H2AC4: variants seen among roughly 807,000 people sequenced by gnomAD.
The protein encoded by H2AC4 is H2A clustered histone 4.
Under a neutral mutation model 6.1 loss-of-function variants are expected in H2AC4, and 8 were observed. The ratio of observed to expected loss-of-function variants is 1.31; its 90% CI spans 0.77 to 2.36. The LOEUF is 2.36. Among genes scored for constraint, H2AC4 ranks in the 30% most tolerant of loss-of-function variants. H2AC4 has a pLI of 0.00. For missense variants in H2AC4, 260 were observed against 180.4 expected (o/e 1.44, Z -2.53); for synonymous variants, 129 against 78.4 (o/e 1.64, Z -3.41).
chr6:26,033,174 C>T lies in H2AC4; in HGVS notation c.*2G>A, dbSNP rs768986746. ...AACAGCAGTGCATGAAGCGTTAACTCTTCACTTTCCCTTGGCCTTATGATG... is the reference window on the plus strand; with the variant it reads ...AACAGCAGTGCATGAAGCGTTAACTTTTCACTTTCCCTTGGCCTTATGATG... On this transcript the variant is annotated 3_prime_UTR_variant, in exon 1 of 1. Transcript: ENST00000615868. 17 of 1,612,846 alleles carry T rather than the reference C, an allele frequency of 1.1e-5. No individual in the cohort carries two copies. Among genetic ancestry groups the T allele is most frequent in the Admixed American group, 1.7e-5 (1 of 59,600 alleles).
rs76616834 is a variant in H2AC4 at position 26,033,615 on chromosome 6, C to A, written c.-47G>T. On this transcript the variant is annotated 5_prime_UTR_variant, in exon 1 of 1. Coordinates refer to ENST00000615868, the MANE Select transcript of H2AC4 (RefSeq NM_003513.3). ...ATCGCCACAAGAAAATGTAATGAAA[C>A]TACATTAGAACGCAAGGCAGAGAAG... 1.3e-6 allele frequency: 2 copies of A among 1,592,396 alleles called. No individual in the cohort carries two copies. The highest frequency in any genetic ancestry group is 1.7e-6 in the Non-Finnish European group (2 of 1,165,498).
In H2AC4 at chr6:26,033,475, G is replaced by A. The variant is rs969322732; in HGVS notation, c.94C>T (p.His32Tyr). 5 of 1,614,076 alleles carry A rather than the reference G, an allele frequency of 3.1e-6. No homozygotes were observed. Among genetic ancestry groups the A allele is most frequent in the East Asian group, 4.5e-5 (2 of 44,894 alleles). ...TAGTTGCCTTTGCGGAGCAGGCGGT[G>A]CACTCGGCCCACAGGAAACTGCAAA... is the stretch of plus-strand genomic sequence containing the variant. ...AGLQFPVGRV[H>Y]RLLRKGNYSE... The change falls in exon 1 of 1, where the codon CAC (histidine) becomes TAC (tyrosine). Residue 32 changes from histidine (H) to tyrosine (Y), a missense_variant. Coordinates refer to ENST00000615868, the MANE Select transcript of H2AC4 (RefSeq NM_003513.3).
rs1761510865 is a variant in H2AC4 at position 26,033,548 on chromosome 6, T to TA, written c.20_21insT (p.Gln7HisfsTer4). The stretch of plus-strand genomic sequence containing the variant: ...TAGCCTTGGCGCGAGCTTTACCGCC[T>TA]TGTTTGCCGCGACCAGACATAACTA... On this transcript the variant is annotated frameshift_variant, in exon 1 of 1. Coordinates refer to ENST00000615868, the MANE Select transcript of H2AC4 (RefSeq NM_003513.3). LOFTEE classifies it high-confidence loss of function. The TA allele has an allele frequency of 6.2e-7, 1 of 1,609,510 alleles. No homozygotes were observed. The highest frequency in any genetic ancestry group is 1.7e-5 in the Admixed American group (1 of 59,408).
Position 26,033,592 on chromosome 6 carries a change from C to T in H2AC4, c.-24G>A, listed in dbSNP as rs753420547. On this transcript the variant is annotated 5_prime_UTR_variant, in exon 1 of 1. Transcript: ENST00000615868. Reference sequence around the variant, plus strand: ...ATAACTACTTCTGATAAGGGAAAATCGCCACAAGAAAATGTAATGAAACTA... The same window carrying T: ...ATAACTACTTCTGATAAGGGAAAATTGCCACAAGAAAATGTAATGAAACTA... The T allele has an allele frequency of 1.3e-5, 21 of 1,605,210 alleles. No individual in the cohort carries two copies. In the South Asian group the frequency reaches 2.0e-4, roughly 15 times the overall value.
rs760727049 is a variant in H2AC4, at chr6:26,033,575, T to C, written c.-7A>G. ...GTTTGCCGCGACCAGACATAACTAC[T>C]TCTGATAAGGGAAAATCGCCACAAG... is the stretch of plus-strand genomic sequence containing the variant. On this transcript the variant is annotated 5_prime_UTR_variant, in exon 1 of 1. Coordinates refer to ENST00000615868, the MANE Select transcript of H2AC4 (RefSeq NM_003513.3). 2.5e-5 allele frequency: 38 copies of C among 1,518,286 alleles called. No homozygotes were observed. The highest frequency in any genetic ancestry group is 3.1e-5 in the Non-Finnish European group (36 of 1,146,566). The allele number at this position is 1,518,286 out of a possible 1,614,324, so 94.1% of individuals were successfully genotyped here.
At position 26,033,139 on chromosome 6, in the gene H2AC4, C is replaced by A. The variant is rs1249788226; in HGVS notation, c.*37G>T. 1 of 1,603,644 alleles carries A rather than the reference C, an allele frequency of 6.2e-7. No homozygotes were observed. The highest frequency in any genetic ancestry group is 1.8e-5 in the Admixed American group (1 of 56,366). On this transcript the variant is annotated 3_prime_UTR_variant, in exon 1 of 1. Transcript: ENST00000615868. ...TTTGCTGTTAGGCTGATTTTGTCTG[C>A]TGACAGAAAAACAGCAGTGCATGAA...
In H2AC4 at chr6:26,033,289, G is replaced by A. The variant is rs1300850074; in HGVS notation, c.280C>T (p.Leu94Phe). 1.2e-6 allele frequency: 2 copies of A among 1,614,058 alleles called. No individual in the cohort carries two copies. The highest frequency in any genetic ancestry group is 1.7e-6 in the Non-Finnish European group (2 of 1,180,040). The change falls in exon 1 of 1, where the codon CTT becomes TTT. Residue 94 changes from leucine (L) to phenylalanine (F), a missense_variant. Transcript: ENST00000615868. ...GTCACACGCCCCAAGAGTTTATTAA[G>A]CTCCTCGTCATTGCGGATGGCCAAT... is the stretch of plus-strand genomic sequence containing the variant. ...LQLAIRNDEE[L>F]NKLLGRVTIA...
Position 26,033,584 on chromosome 6 carries a change from G to GTA in H2AC4, c.-17_-16insTA. 8.1e-6 allele frequency: 13 copies of GTA among 1,608,728 alleles called. No individual in the cohort carries two copies. Among genetic ancestry groups the GTA allele is most frequent in the Non-Finnish European group, 1.1e-5 (13 of 1,178,764 alleles). ...GACCAGACATAACTACTTCTGATAA[G>GTA]GGAAAATCGCCACAAGAAAATGTAA... On this transcript the variant is annotated 5_prime_UTR_variant, in exon 1 of 1. Transcript: ENST00000615868.
chr6:26,033,276 A>T lies in H2AC4; in HGVS notation c.293T>A (p.Leu98Ter). The change falls in exon 1 of 1, where the codon TTG (leucine) becomes TAG (stop). Residue 98 changes from leucine (L) to a stop codon, truncating the protein, a stop_gained. Coordinates refer to ENST00000615868, the MANE Select transcript of H2AC4 (RefSeq NM_003513.3). LOFTEE classifies it high-confidence loss of function. ...IRNDEELNKLLGRVTIAQGGV... is the reference protein window; with the variant it reads ...IRNDEELNKL ...ACCCTGCGCGATGGTCACACGCCCC[A>T]AGAGTTTATTAAGCTCCTCGTCATT... 6 of 1,614,174 alleles carry T rather than the reference A, an allele frequency of 3.7e-6. No homozygotes were observed. Among genetic ancestry groups the T allele is most frequent in the Non-Finnish European group, 5.1e-6 (6 of 1,180,026 alleles).
chr6:26,033,105 A>C lies in H2AC4; in HGVS notation c.*71T>G, dbSNP rs1222384406. ...TTAATGGAAGTCGTAGGTGGCTCTG[A>C]AAAGAGCCTTTGCTGTTAGGCTGAT... On this transcript the variant is annotated 3_prime_UTR_variant, in exon 1 of 1. Transcript: ENST00000615868. The C allele has an allele frequency of 1.3e-6, 2 of 1,569,496 alleles. No homozygotes were observed. The highest frequency in any genetic ancestry group is 1.9e-5 in the Admixed American group (1 of 52,118).
rs759687233 is a variant in H2AC4, at chr6:26,033,276, AAG to A, written c.291_292del (p.Leu98GlyfsTer13). Reference sequence around the variant, plus strand: ...ACCCTGCGCGATGGTCACACGCCCCAAGAGTTTATTAAGCTCCTCGTCATTGC... The same window carrying A: ...ACCCTGCGCGATGGTCACACGCCCCAAGTTTATTAAGCTCCTCGTCATTGC... On this transcript the variant is annotated frameshift_variant, in exon 1 of 1. Coordinates refer to ENST00000615868, the MANE Select transcript of H2AC4 (RefSeq NM_003513.3). LOFTEE classifies it high-confidence loss of function. 7.4e-6 allele frequency: 12 copies of A among 1,614,056 alleles called. No homozygotes were observed. Among genetic ancestry groups the A allele is most frequent in the Admixed American group, 3.3e-5 (2 of 60,006 alleles).
In H2AC4 at chr6:26,033,134, G is replaced by C. The variant is rs751822392; in HGVS notation, c.*42C>G. The C allele has an allele frequency of 6.2e-7, 1 of 1,602,878 alleles. No individual in the cohort carries two copies. On this transcript the variant is annotated 3_prime_UTR_variant, in exon 1 of 1. Transcript: ENST00000615868. ...GAGCCTTTGCTGTTAGGCTGATTTT[G>C]TCTGCTGACAGAAAAACAGCAGTGC... is the stretch of plus-strand genomic sequence containing the variant.
Position 26,033,278 on chromosome 6 carries a change from G to A in H2AC4, c.291C>T (p.Leu97=), listed in dbSNP as rs2230655. Reference sequence around the variant, plus strand: ...CCTGCGCGATGGTCACACGCCCCAAGAGTTTATTAAGCTCCTCGTCATTGC... The same window carrying A: ...CCTGCGCGATGGTCACACGCCCCAAAAGTTTATTAAGCTCCTCGTCATTGC... ...AIRNDEELNK[L]LGRVTIAQGG... Residue 97 remains leucine (L), a synonymous_variant, in exon 1 of 1, where the codon CTC becomes CTT. Coordinates refer to ENST00000615868, the MANE Select transcript of H2AC4 (RefSeq NM_003513.3). 1,145,538 of 1,613,974 alleles carry A rather than the reference G, an allele frequency of 0.71. 410,046 individuals are homozygous for A. Among genetic ancestry groups the A allele is most frequent in the African/African-American group, 0.92 (69,003 of 75,024 alleles).
Position 26,033,285 on chromosome 6 carries a change from T to C in H2AC4, c.284A>G (p.Asn95Ser), listed in dbSNP as rs951654689. The C allele has an allele frequency of 9.3e-6, 15 of 1,614,050 alleles. No individual in the cohort carries two copies. The highest frequency in any genetic ancestry group is 1.1e-5 in the South Asian group (1 of 91,086). Residue 95 changes from asparagine to serine, a missense_variant, in exon 1 of 1, where the codon AAT (asparagine) becomes AGT (serine). By Grantham distance (46) the Asn-to-Ser change is conservative. Transcript: ENST00000615868. ...QLAIRNDEEL[N>S]KLLGRVTIAQ... ...GATGGTCACACGCCCCAAGAGTTTA[T>C]TAAGCTCCTCGTCATTGCGGATGGC... is the stretch of plus-strand genomic sequence containing the variant.
chr6:26,033,129 A>T lies in H2AC4; in HGVS notation c.*47T>A. ...GAAAAGAGCCTTTGCTGTTAGGCTG[A>T]TTTTGTCTGCTGACAGAAAAACAGC... On this transcript the variant is annotated 3_prime_UTR_variant, in exon 1 of 1. Transcript: ENST00000615868. 1 of 1,602,936 alleles carries T rather than the reference A, an allele frequency of 6.2e-7. No individual in the cohort carries two copies. Among genetic ancestry groups the T allele is most frequent in the Non-Finnish European group, 8.5e-7 (1 of 1,176,596 alleles).
At position 26,033,338 on chromosome 6, in the gene H2AC4, G is replaced by T. The variant is rs772623470; in HGVS notation, c.231C>A (p.Thr77=). 1 of 1,614,108 alleles carries T rather than the reference G, an allele frequency of 6.2e-7. No homozygotes were observed. The highest frequency in any genetic ancestry group is 2.2e-5 in the East Asian group (1 of 44,870). ...ATTGCAGGTGGCGCGGGATGATGCG[G>T]GTCTTCTTGTTGTCGCGGGCCGCAT... ...AGNAARDNKK[T]RIIPRHLQLA... Residue 77 remains threonine (T), a synonymous_variant, in exon 1 of 1, where the codon ACC becomes ACA. Coordinates refer to ENST00000615868, the MANE Select transcript of H2AC4 (RefSeq NM_003513.3).
chr6:26,033,544 C>T lies in H2AC4; in HGVS notation c.25G>A (p.Gly9Ser). The change falls in exon 1 of 1, where the codon GGT becomes AGT. Residue 9 changes from glycine (G) to serine (S), a missense_variant. Transcript: ENST00000615868. ...GTCTTAGCCTTGGCGCGAGCTTTAC[C>T]GCCTTGTTTGCCGCGACCAGACATA... is the stretch of plus-strand genomic sequence containing the variant. MSGRGKQG[G>S]KARAKAKTRS... 1.2e-6 allele frequency: 2 copies of T among 1,611,848 alleles called. No individual in the cohort carries two copies. Among genetic ancestry groups the T allele is most frequent in the African/African-American group, 2.7e-5 (2 of 73,898 alleles).
chr6:26,033,326 C>T lies in H2AC4; in HGVS notation c.243G>A (p.Pro81=). 4.3e-6 allele frequency: 7 copies of T among 1,614,096 alleles called. No homozygotes were observed. The highest frequency in any genetic ancestry group is 5.9e-6 in the Non-Finnish European group (7 of 1,180,022). The part of the protein sequence containing the change: ...ARDNKKTRII[P]RHLQLAIRND... ...TGCGGATGGCCAATTGCAGGTGGCGCGGGATGATGCGGGTCTTCTTGTTGT... is the reference window on the plus strand; with the variant it reads ...TGCGGATGGCCAATTGCAGGTGGCGTGGGATGATGCGGGTCTTCTTGTTGT... The change falls in exon 1 of 1, where the codon CCG becomes CCA. Residue 81 remains proline, a synonymous_variant. Transcript: ENST00000615868.
At position 26,033,167 on chromosome 6, in the gene H2AC4, G is replaced by C. The variant is rs1191521055; in HGVS notation, c.*9C>G. ...ACAGAAAAACAGCAGTGCATGAAGC[G>C]TTAACTCTTCACTTTCCCTTGGCCT... On this transcript the variant is annotated 3_prime_UTR_variant, in exon 1 of 1. Transcript: ENST00000615868. 2.5e-6 allele frequency: 4 copies of C among 1,613,900 alleles called. No homozygotes were observed. The highest frequency in any genetic ancestry group is 3.4e-6 in the Non-Finnish European group (4 of 1,179,986).
Sources: gnomAD v4.1 joint callset for allele counts on GRCh38, gnomAD v4.1.1 for gene constraint, MANE v1.5 for transcripts, NCBI Gene and HGNC (gene_info 2026-07-23, HGNC 2026-07-21) for gene names.